The following PLCB1 variants were observed in gnomAD, a reference collection of about 807,000 sequenced individuals.
PLCB1 encodes the protein 1-phosphatidylinositol 4,5-bisphosphate phosphodiesterase beta-1.
A neutral mutation model predicts 161.8 loss-of-function variants in PLCB1; 46 were observed. The ratio of observed to expected loss-of-function variants is 0.28; its 90% confidence interval spans 0.22 to 0.36. The LOEUF (loss-of-function observed/expected upper bound fraction) is 0.36, where lower values mean the gene tolerates loss of function less well. Among genes scored for constraint, PLCB1 ranks in the 10% least tolerant of loss-of-function variants. The pLI, the probability that PLCB1 is intolerant of heterozygous loss-of-function variation, is 1.00. For missense variants in PLCB1, 1,016 were observed against 1,472.5 expected (o/e 0.69, Z 5.07); for synonymous variants, 517 against 503.7 (o/e 1.03, Z -0.35).
chr20:8,310,340 T>G (rs1984341328), intron 2 of PLCB1, among the ~76,000 whole-genome samples: 1 of 152,198 alleles, frequency 6.6e-6, no homozygotes, highest in Non-Finnish European at 1.5e-5. Flanking sequence ...CAACACAAAG[T>G]TGAATGAAGT....
rs6039100 is a variant in PLCB1, at chr20:8,220,719, T to C, written c.177+70348T>C. Among the ~76,000 whole-genome samples, 171 of 152,296 alleles carry C rather than the reference T, an allele frequency of 1.1e-3. 1 individual carries two copies. Among genetic ancestry groups the C allele is most frequent in the African/African-American group, 3.8e-3 (160 of 41,588 alleles). ...ACAACTTGAGCTTGGACTTCCAGCTTCCAGAACTGTGAGAGAATAAATGTC... is the reference window on the plus strand; with the variant it reads ...ACAACTTGAGCTTGGACTTCCAGCTCCCAGAACTGTGAGAGAATAAATGTC... On this transcript the variant is annotated intron_variant, in intron 2 of 31. Transcript: ENST00000338037.
At chr20:8,684,878 C>T (rs1990321282) in intron 9 of PLCB1, 54 bp from the exon 10 acceptor site, 4 of 1,388,712 alleles carry the variant, frequency 2.9e-6, no homozygotes, top group African/African-American at 1.5e-5. Context: ...AAAGAGGCGA[C>T]TTGACACCCA....
chr20:8,696,632 A>T (rs1242716050), intron 10 of PLCB1, among the ~76,000 whole-genome samples: 1 of 152,152 alleles, frequency 6.6e-6, no homozygotes, highest in African/African-American at 2.4e-5. Context: ...TGAACATGAG[A>T]TGTATTTCCA....
intron 3 of PLCB1, among the ~76,000 whole-genome samples, chr20:8,466,171 G>T (rs1351049513): frequency 1.2e-4 from 18 of 152,006 alleles, no homozygotes; most frequent in Middle Eastern, 3.4e-3. Context: ...CATGTCCTTT[G>T]TGGGGACATG....
chr20:8,259,194 A>G (rs930530594), intron 2 of PLCB1, among the ~76,000 whole-genome samples: 2 of 152,166 alleles, frequency 1.3e-5, no homozygotes, highest in African/African-American at 2.4e-5. Flanking sequence ...GTTTTTGGTA[A>G]TTACAACAAA....
At chr20:8,267,570 G>T (rs939543265) in intron 2 of PLCB1, among the ~76,000 whole-genome samples, 1 of 152,038 alleles carries the variant, frequency 6.6e-6, no homozygotes, top group African/African-American at 2.4e-5. Flanking sequence ...CCCAATCCCT[G>T]TCTCAGACTC....
intron 10 of PLCB1, 33 bp from the exon 11 acceptor site, chr20:8,697,593 G>T: frequency 6.2e-7 from 1 of 1,611,714 alleles, no homozygotes; most frequent in Non-Finnish European, 8.5e-7. Flanking sequence ...TGCTTCATGG[G>T]AATCTGGGGT....
At chr20:8,451,937 T>A (rs1356252728) in intron 3 of PLCB1, among the ~76,000 whole-genome samples, 1 of 152,082 alleles carries the variant, frequency 6.6e-6, no homozygotes, top group Non-Finnish European at 1.5e-5. Context: ...AAAAAACCTG[T>A]AGTATAGATC....
chr20:8,720,102 CATT>C (rs1164029205), intron 14 of PLCB1, among the ~76,000 whole-genome samples: 1 of 152,138 alleles, frequency 6.6e-6, no homozygotes, highest in Non-Finnish European at 1.5e-5. Context: ...AAGTGAGTAT[CATT>C]AACAGGCCTT....
At chr20:8,511,944 T>C (rs1983910431) in intron 3 of PLCB1, among the ~76,000 whole-genome samples, 1 of 152,178 alleles carries the variant, frequency 6.6e-6, no homozygotes, top group South Asian at 2.1e-4. Flanking sequence ...ATCAGATGTG[T>C]GGTTTGCAAA....
intron 2 of PLCB1, among the ~76,000 whole-genome samples, chr20:8,342,408 C>A (rs1212238285): frequency 6.6e-6 from 1 of 152,208 alleles, no homozygotes; most frequent in Non-Finnish European, 1.5e-5. Context: ...TCTATATTTT[C>A]TTTCCTTTGA....
At chr20:8,235,918 T>C (rs1980295296) in intron 2 of PLCB1, among the ~76,000 whole-genome samples, 1 of 152,102 alleles carries the variant, frequency 6.6e-6, no homozygotes, top group Non-Finnish European at 1.5e-5. Flanking sequence ...TTGTATTAAA[T>C]TGAAACTCTC....
chr20:8,496,158 G>A (rs1022796681), intron 3 of PLCB1, among the ~76,000 whole-genome samples: 1 of 152,108 alleles, frequency 6.6e-6, no homozygotes, highest in African/African-American at 2.4e-5. Flanking sequence ...AGCAGTGAAG[G>A]TATGTCCCAG....
At chr20:8,725,382 T>G (rs1600278667) in intron 16 of PLCB1, among the ~76,000 whole-genome samples, 1 of 152,270 alleles carries the variant, frequency 6.6e-6, no homozygotes, top group East Asian at 1.9e-4. Context: ...AAGCGTAAGA[T>G]GCTATCAGAT....
chr20:8,684,260 A>ATTTATT (rs1990302877), intron 9 of PLCB1, among the ~76,000 whole-genome samples: 2 of 148,410 alleles, frequency 1.3e-5, no homozygotes, highest in South Asian at 2.1e-4. Flanking sequence ...TTATTTATTT[A>ATTTATT]TTTATTTTTA....
intron 2 of PLCB1, among the ~76,000 whole-genome samples, chr20:8,151,906 T>A (rs1001946617): frequency 6.6e-6 from 1 of 152,170 alleles, no homozygotes; most frequent in Non-Finnish European, 1.5e-5. Flanking sequence ...TCTAGACCAA[T>A]CATCAATATT....
In PLCB1 at chr20:8,774,696, C is replaced by G. The variant is rs757167492; in HGVS notation, c.3088C>G (p.Gln1030Glu). 1 of 1,607,226 alleles carries G rather than the reference C, an allele frequency of 6.2e-7. No homozygotes were observed. The highest frequency in any genetic ancestry group is 1.1e-5 in the South Asian group (1 of 90,328). The change falls in exon 27 of 32, where the codon CAG (glutamine) becomes GAG (glutamate). Residue 1030 changes from glutamine to glutamate, a missense_variant. By Grantham distance (29) the Gln-to-Glu change is conservative. This residue lies in a region of PLCB1 where 398 missense variants were observed against 445.4 expected (regional missense o/e 0.89). Transcript: ENST00000338037. Reference protein sequence around the residue: ...RQEQYYSEKYQKREHIKLLIQ... With the variant: ...RQEQYYSEKYEKREHIKLLIQ... ...AGAACAGTATTATAGTGAAAAATAC[C>G]AGAAGCGAGAACATATTAAACTGGT...
chr20:8,862,712 A>G (rs1987298547), intron 31 of PLCB1, among the ~76,000 whole-genome samples: 1 of 152,206 alleles, frequency 6.6e-6, no homozygotes, highest in South Asian at 2.1e-4. Flanking sequence ...ATCAAGGACT[A>G]GGGCACATTA....
Position 8,183,163 on chromosome 20 carries a change from A to G in PLCB1, c.177+32792A>G, listed in dbSNP as rs568305669. ...TGTTGCGGTAATAGATACATGATCC[A>G]TCTGGCTTCATCCTTGTAGAGAAGG... On this transcript the variant is annotated intron_variant, in intron 2 of 31. Coordinates refer to ENST00000338037, the MANE Select transcript of PLCB1 (RefSeq NM_015192.4). Among the ~76,000 whole-genome samples, 10 of 152,302 alleles carry G rather than the reference A, an allele frequency of 6.6e-5. No individual in the cohort carries two copies. In the South Asian group the frequency reaches 2.1e-3, roughly 32 times the overall value.
Sources: gnomAD v4.1 joint callset for allele counts (sites outside exome capture counted in the v4.1 genomes callset) on GRCh38, gnomAD v4.1.1 for gene constraint, gnomAD v4.1.1 regional missense constraint, MANE v1.5 for transcripts, NCBI Gene and HGNC (gene_info 2026-07-23, HGNC 2026-07-21) for gene names.